Variants in TTC6 observed in about 807,000 individuals in gnomAD.
TTC6 encodes tetratricopeptide repeat protein 6.
Under a neutral mutation model 210.4 loss-of-function variants are expected in TTC6, and 172 were observed. The ratio of observed to expected loss-of-function variants is 0.82; its 90% CI spans 0.72 to 0.93. TTC6 has a LOEUF of 0.93. Ranked by LOEUF, TTC6 falls within the 40% of genes least tolerant of loss-of-function variation. The pLI is 0.00. For synonymous variants in TTC6, 804 were observed against 819.6 expected (o/e 0.98, Z 0.32); for missense variants, 2,414 against 2,318.1 (o/e 1.04, Z -0.85).
At chr14:37,707,944 G>T (rs1046903800) in intron 5 of TTC6, among the ~76,000 whole-genome samples, 10 of 152,108 alleles carry the variant, frequency 6.6e-5, no homozygotes, top group African/African-American at 2.4e-4. Context: ...ATCCTGAAAG[G>T]CATTGGGGGT....
intron 1 of TTC6, among the ~76,000 whole-genome samples, chr14:37,636,239 A>G (rs1025710273): frequency 1.3e-5 from 2 of 152,200 alleles, no homozygotes; most frequent in African/African-American, 4.8e-5. Flanking sequence ...CTAAGGATAT[A>G]GAAGAACTCA....
chr14:37,658,834 G>A (rs1213060201), intron 1 of TTC6, among the ~76,000 whole-genome samples: 2 of 152,054 alleles, frequency 1.3e-5, no homozygotes, highest in African/African-American at 4.8e-5. Context: ...ATAAACTCAC[G>A]TCATGGGGAT....
chr14:37,635,330 T>C (rs2095678117), intron 1 of TTC6, among the ~76,000 whole-genome samples: 3 of 152,020 alleles, frequency 2.0e-5, no homozygotes, highest in Non-Finnish European at 4.4e-5. Flanking sequence ...AGCGATTCAC[T>C]CAAAAAACAG....
intron 1 of TTC6, among the ~76,000 whole-genome samples, chr14:37,657,903 A>G (rs1204666947): frequency 2.0e-5 from 3 of 152,194 alleles, no homozygotes; most frequent in Non-Finnish European, 2.9e-5. Context: ...CTGACCTTGC[A>G]GGATGAAAAA....
At position 37,598,890 on chromosome 14, in the gene TTC6, G is replaced by T. The variant is rs929471763; in HGVS notation, c.-235+2882G>T. ...GTCAGGTGACGGCTTCAGCAACCCA[G>T]CCATGCTTGGTGTGGAGTGGTTCGA... On this transcript the variant is annotated intron_variant, in intron 1 of 2. Transcript: ENST00000556845. The surrounding 1 kb of genome is among the most constrained non-coding windows in gnomAD (Gnocchi z 4.9). Among the ~76,000 whole-genome samples, 1 of 152,182 alleles carries T rather than the reference G, an allele frequency of 6.6e-6. No individual in the cohort carries two copies. Among genetic ancestry groups the T allele is most frequent in the African/African-American group, 2.4e-5 (1 of 41,452 alleles).
intron 29 of TTC6, among the ~76,000 whole-genome samples, chr14:37,837,079 C>T (rs1056351756): frequency 3.3e-5 from 5 of 152,118 alleles, no homozygotes; most frequent in African/African-American, 1.2e-4. Flanking sequence ...TACCTTTAGC[C>T]TCTAACTGCT....
rs543217928 is a variant in TTC6, at chr14:37,603,056, T to C, written c.-234-3607T>C. On this transcript the variant is annotated intron_variant, in intron 1 of 2. Transcript: ENST00000556845. The stretch of plus-strand genomic sequence containing the variant: ...TACACTGCAGCAGGAGCTTCACAAA[T>C]TCCTGCAGGTGCTGGATGGGAATAA... 2.0e-3 allele frequency among the ~76,000 whole-genome samples: 307 copies of C among 152,268 alleles called. 1 individual carries two copies. Among genetic ancestry groups the C allele is most frequent in the Non-Finnish European group, 3.3e-3 (225 of 68,012 alleles).
exon 7 of TTC6, chr14:37,724,962 C>T: frequency 6.5e-7 from 1 of 1,528,042 alleles, no homozygotes; most frequent in Non-Finnish European, 8.8e-7. Context: ...TTCTCTGTTC[C>T]AGAATCTGTC....
chr14:37,749,303 A>C, exon 11 of TTC6: 1 of 1,522,612 alleles, frequency 6.6e-7, no homozygotes, highest in African/African-American at 1.4e-5. Flanking sequence ...TGAAGAAATA[A>C]ATGATAAGAC....
intron 29 of TTC6, among the ~76,000 whole-genome samples, chr14:37,838,607 T>C (rs2096203099): frequency 6.6e-6 from 1 of 152,218 alleles, no homozygotes; most frequent in Admixed American, 6.5e-5. Flanking sequence ...ATTTTGAAAA[T>C]TCCCTTGTGG....
chr14:37,781,019 A>G (rs71407739), intron 14 of TTC6, among the ~76,000 whole-genome samples: 5,080 of 152,296 alleles, frequency 0.033, 137 homozygotes, highest in Non-Finnish European at 0.052. Flanking sequence ...TTCTTAATCC[A>G]TTCTATCATT....
chr14:37,651,410 TA>T (rs2095711567), intron 1 of TTC6, among the ~76,000 whole-genome samples: 2 of 20,924 alleles, frequency 9.6e-5, no homozygotes, highest in African/African-American at 5.0e-4. Flanking sequence ...TATATATATA[TA>T]TATATATATA....
intron 26 of TTC6, among the ~76,000 whole-genome samples, chr14:37,823,422 T>C (rs966170374): frequency 1.3e-5 from 2 of 152,202 alleles, no homozygotes; most frequent in Non-Finnish European, 2.9e-5. Flanking sequence ...ATACTGGTAA[T>C]TGATACCTGT....
chr14:37,676,854 G>T (rs375091337), intron 1 of TTC6, among the ~76,000 whole-genome samples: 1 of 152,114 alleles, frequency 6.6e-6, no homozygotes, highest in East Asian at 1.9e-4. Context: ...CACCTTTGTC[G>T]AAAGTCGATT....
At chr14:37,792,776 TTGTGTGTGTGTGTGTGTGTG>T (rs34766491) in intron 17 of TTC6, among the ~76,000 whole-genome samples, 1 of 140,042 alleles carries the variant, frequency 7.1e-6, no homozygotes, top group South Asian at 2.4e-4. Flanking sequence ...TGGTCCAATG[TTGTGTGTGTGTGTGTGTGTG>T]TGTGTGTGTG....
At chr14:37,646,372 T>C (rs938509128) in intron 1 of TTC6, among the ~76,000 whole-genome samples, 3 of 152,120 alleles carry the variant, frequency 2.0e-5, no homozygotes, top group Non-Finnish European at 4.4e-5. Context: ...TCTCCCATCC[T>C]GAAATCTCAA....
chr14:37,794,792 A>C lies in TTC6; in HGVS notation c.3709-478A>C, dbSNP rs186276563. ...GTCTAGATGGAGTCTCACTATGTTG[A>C]CCAGGCTGGTCTTGACCTCCTGGCC... On this transcript the variant is annotated intron_variant, in intron 17 of 30. Transcript: ENST00000553443. 5.5e-3 allele frequency among the ~76,000 whole-genome samples: 829 copies of C among 151,932 alleles called. 8 individuals are homozygous for C. Among genetic ancestry groups the C allele is most frequent in the Non-Finnish European group, 7.9e-3 (540 of 67,938 alleles).
intron 17 of TTC6, among the ~76,000 whole-genome samples, chr14:37,792,778 G>T (rs1358795378): frequency 4.3e-5 from 2 of 46,366 alleles, no homozygotes; most frequent in African/African-American, 2.3e-4. Context: ...GTCCAATGTT[G>T]TGTGTGTGTG....
chr14:37,831,433 A>G (rs2096184827), intron 29 of TTC6, among the ~76,000 whole-genome samples: 1 of 152,170 alleles, frequency 6.6e-6, no homozygotes, highest in Non-Finnish European at 1.5e-5. Context: ...TGTTATGGAT[A>G]TATACCCAGC....
Sources: allele counts gnomAD v4.1 joint callset (sites outside exome capture counted in the v4.1 genomes callset), GRCh38; gene constraint gnomAD v4.1.1; non-coding constraint Gnocchi (gnomAD v3.1); transcripts MANE v1.5; gene names NCBI Gene and HGNC (gene_info 2026-07-23, HGNC 2026-07-21).